Variants in MPC2 observed in about 807,000 individuals in gnomAD.
MPC2 encodes brain protein 44.
Under a neutral mutation model 19.2 loss-of-function variants are expected in MPC2, and 19 were observed. The observed-to-expected ratio is 0.99, with a 90% CI of 0.69 to 1.45. The LOEUF (loss-of-function observed/expected upper bound fraction) is 1.45, where lower values mean the gene tolerates loss of function less well. MPC2 is among the 40% of genes most tolerant of loss of function. The pLI is 0.00. For synonymous variants in MPC2, 61 were observed against 54.3 expected (o/e 1.12, Z -0.54); for missense variants, 122 against 153.0 (o/e 0.80, Z 1.07).
At chr1:167,921,428 G>A (rs1670598375) in intron 3 of MPC2, among the ~76,000 whole-genome samples, 1 of 152,010 alleles carries the variant, frequency 6.6e-6, no homozygotes, top group Admixed American at 6.6e-5. Context: ...CACCATGTTG[G>A]CCAGGCTGGT....
rs761642173 is a variant in MPC2 at position 167,920,003 on chromosome 1, G to A, written c.323C>T (p.Ala108Val). The change falls in exon 5 of 6, where the codon GCC (alanine) becomes GTC (valine). Residue 108 changes from alanine (A) to valine (V), a missense_variant. Physicochemically the swap from Ala to Val is moderately conservative, Grantham distance 64. Transcript: ENST00000271373. ...AVNFFVGAAG[A>V]SQLFRIWRYN... Reference sequence around the variant, plus strand: ...CCTCCAAATACGAAAAAGCTGAGAGGCTCCTGCTGCCCCCACAAAGAAATT... The same window carrying A: ...CCTCCAAATACGAAAAAGCTGAGAGACTCCTGCTGCCCCCACAAAGAAATT... 2 of 1,612,708 alleles carry A rather than the reference G, an allele frequency of 1.2e-6. No homozygotes were observed. Among genetic ancestry groups the A allele is most frequent in the Non-Finnish European group, 1.7e-6 (2 of 1,179,386 alleles).
At chr1:167,924,299 T>C (rs1670676144) in intron 3 of MPC2, 198 bp downstream of exon 3, 2 of 413,672 alleles carry the variant, frequency 4.8e-6, no homozygotes, top group Non-Finnish European at 8.8e-6. Flanking sequence ...AGGCCTCTTA[T>C]CTAAAGAGTT....
intron 2 of MPC2, among the ~76,000 whole-genome samples, chr1:167,932,767 C>T (rs1187442402): frequency 6.7e-6 from 1 of 148,664 alleles, no homozygotes; most frequent in African/African-American, 2.5e-5. Flanking sequence ...CCAGATCACA[C>T]CACTGCACTC....
At chr1:167,926,056 A>G (rs1409765567) in intron 2 of MPC2, among the ~76,000 whole-genome samples, 1 of 152,224 alleles carries the variant, frequency 6.6e-6, no homozygotes, top group Non-Finnish European at 1.5e-5. Context: ...CAAACACTAG[A>G]AAGAAGATCA....
chr1:167,925,442 C>CGTGTATATATAT (rs1553200802), intron 2 of MPC2, among the ~76,000 whole-genome samples: 2 of 82,470 alleles, frequency 2.4e-5, no homozygotes, highest in African/African-American at 1.0e-4. Flanking sequence ...TACATATACA[C>CGTGTATATATAT]ATATATATAT....
intron 1 of MPC2, 81 bp downstream of exon 1, chr1:167,936,858 C>CACCAA: frequency 4.2e-6 from 6 of 1,428,738 alleles, no homozygotes; most frequent in Non-Finnish European, 5.8e-6. Flanking sequence ...TCCCCTCCCC[C>CACCAA]TCCTCCCCTC....
chr1:167,918,584 C>T (rs554888446), intron 5 of MPC2, among the ~76,000 whole-genome samples: 15 of 145,506 alleles, frequency 1.0e-4, no homozygotes, highest in Middle Eastern at 3.5e-3. Flanking sequence ...AAGAGCACAA[C>T]TGCCAAAAAC....
chr1:167,931,397 T>C (rs557887203), intron 2 of MPC2, among the ~76,000 whole-genome samples: 1 of 152,338 alleles, frequency 6.6e-6, no homozygotes, highest in South Asian at 2.1e-4. Flanking sequence ...TGTTTGAAGA[T>C]ATTCTATTTT....
At chr1:167,924,396 G>T in intron 3 of MPC2, 101 bp downstream of exon 3, 1 of 953,248 alleles carries the variant, frequency 1.0e-6, no homozygotes, top group South Asian at 1.6e-5. Flanking sequence ...GGCATACCAA[G>T]AATACTCTAA....
chr1:167,935,597 T>G (rs933578431), intron 2 of MPC2, 136 bp downstream of exon 2: 2 of 680,194 alleles, frequency 2.9e-6, no homozygotes, highest in African/African-American at 1.8e-5. Context: ...GCTAGGAGAG[T>G]AGACGGCTTC....
chr1:167,921,362 C>T (rs1670596087), intron 3 of MPC2, among the ~76,000 whole-genome samples: 1 of 152,012 alleles, frequency 6.6e-6, no homozygotes, highest in Non-Finnish European at 1.5e-5. Context: ...GCTGGAATTA[C>T]AGGCGTGTGC....
intron 2 of MPC2, among the ~76,000 whole-genome samples, chr1:167,930,103 G>A (rs1670868083): frequency 6.6e-6 from 1 of 152,144 alleles, no homozygotes; most frequent in South Asian, 2.1e-4. Flanking sequence ...CTAAGAACAT[G>A]ACTAAGCTAC....
chr1:167,934,564 T>C (rs1474331907), intron 2 of MPC2, among the ~76,000 whole-genome samples: 2 of 152,238 alleles, frequency 1.3e-5, no homozygotes, highest in Non-Finnish European at 2.9e-5. Context: ...TATTAAGGGT[T>C]AGAGTATAAT....
Position 167,920,166 on chromosome 1 carries a change from A to G in MPC2, c.236-76T>C, listed in dbSNP as rs201446823. ...TTCAGTGAATACTTAATATTGAGTA[A>G]AGTAATTACAACAATAATGTAGGAT... On this transcript the variant is annotated intron_variant, in intron 4 of 5. Transcript: ENST00000271373. 2.4e-5 allele frequency: 21 copies of G among 882,280 alleles called. No homozygotes were observed. The East Asian group carries it at 5.3e-4, about 22-fold the overall frequency. 54.7% of individuals were successfully genotyped at this position (882,280 alleles called of 1,614,324 possible). A position where few individuals can be genotyped will look rare whatever the true frequency, so the allele number is the denominator to read the frequency against.
intron 2 of MPC2, among the ~76,000 whole-genome samples, chr1:167,929,655 TAATAA>T (rs1670853625): frequency 6.6e-6 from 1 of 152,248 alleles, no homozygotes; most frequent in Non-Finnish European, 1.5e-5. Flanking sequence ...AAATTACTGT[TAATAA>T]AATATTATAT....
At chr1:167,928,196 A>C (rs1316379494) in intron 2 of MPC2, among the ~76,000 whole-genome samples, 1 of 152,062 alleles carries the variant, frequency 6.6e-6, no homozygotes, top group African/African-American at 2.4e-5. Context: ...AAAATACAAA[A>C]AATTAGCTGC....
At chr1:167,922,657 T>C (rs1334609456) in intron 3 of MPC2, among the ~76,000 whole-genome samples, 1 of 152,104 alleles carries the variant, frequency 6.6e-6, no homozygotes, top group Non-Finnish European at 1.5e-5. Flanking sequence ...ACTTATATTC[T>C]AATCTTGTCA....
At chr1:167,920,180 A>G (rs1670566013) in intron 4 of MPC2, 90 bp from the exon 5 acceptor site, 1 of 794,250 alleles carries the variant, frequency 1.3e-6, no homozygotes, top group Non-Finnish European at 2.1e-6. Context: ...AATTACAACA[A>G]TAATGTAGGA....
intron 1 of MPC2, chr1:167,936,671 T>G: frequency 2.2e-6 from 1 of 464,034 alleles, no homozygotes; most frequent in Non-Finnish European, 3.9e-6. Context: ...GAGGAGACTG[T>G]TGCTGATCTT....
Sources: gnomAD v4.1 joint callset for allele counts (sites outside exome capture counted in the v4.1 genomes callset) on GRCh38, gnomAD v4.1.1 for gene constraint, MANE v1.5 for transcripts, NCBI Gene and HGNC (gene_info 2026-07-23, HGNC 2026-07-21) for gene names.